NOL4L: variants seen among roughly 807,000 people sequenced by gnomAD.
The protein encoded by NOL4L is nucleolar protein 4-like.
Under a neutral mutation model 64.5 loss-of-function variants are expected in NOL4L, and 7 were observed. That is an observed-to-expected ratio of 0.11 (90% CI 0.06 to 0.20). NOL4L has a LOEUF of 0.20. Ranked by LOEUF, NOL4L falls within the 10% of genes least tolerant of loss-of-function variation. NOL4L has a pLI of 1.00. For synonymous variants in NOL4L, 413 were observed against 401.0 expected (o/e 1.03, Z -0.36); for missense variants, 680 against 967.1 (o/e 0.70, Z 3.94).
chr20:32,470,307 G>T (rs997341833), intron 5 of NOL4L, among the ~76,000 whole-genome samples: 10 of 152,268 alleles, frequency 6.6e-5, no homozygotes, highest in Non-Finnish European at 1.5e-4. Context: ...CGCCTGCCGG[G>T]TCAGGAACCT....
At chr20:32,475,202 C>A in intron 4 of NOL4L, 1 of 985,478 alleles carries the variant, frequency 1.0e-6, no homozygotes, top group Non-Finnish European at 1.2e-6. Context: ...GCAGGCCTGG[C>A]GCCCTGACTC....
intron 1 of NOL4L, among the ~76,000 whole-genome samples, chr20:32,540,913 A>C (rs976540163): frequency 2.6e-5 from 4 of 151,648 alleles, no homozygotes; most frequent in African/African-American, 9.7e-5. Context: ...TCAGATGAGG[A>C]AACCGAGGCT....
chr20:32,542,078 A>G (rs1243442660), intron 1 of NOL4L, among the ~76,000 whole-genome samples: 2 of 152,212 alleles, frequency 1.3e-5, no homozygotes, highest in Non-Finnish European at 2.9e-5. Flanking sequence ...ACAGGTGGCC[A>G]TATCTTTGGG....
At chr20:32,466,996 G>A (rs1048023002) in intron 5 of NOL4L, among the ~76,000 whole-genome samples, 1 of 152,138 alleles carries the variant, frequency 6.6e-6, no homozygotes, top group African/African-American at 2.4e-5. Flanking sequence ...ATCACCTGAG[G>A]AGGACACTAG....
chr20:32,452,880 G>A lies in NOL4L; in HGVS notation c.1620+4C>T. ...GCCCCTGTAGTGGCTGCGGTGGCAG[G>A]TACCTGTGAGGACTGGTAGATCTCT... On this transcript the variant is annotated splice_donor_region_variant and intron_variant, in intron 9 of 10. Coordinates refer to ENST00000621426, the MANE Select transcript of NOL4L (RefSeq NM_001256798.2). The A allele has an allele frequency of 1.2e-6, 2 of 1,613,760 alleles. 1 individual carries two copies. Among genetic ancestry groups the A allele is most frequent in the Non-Finnish European group, 1.7e-6 (2 of 1,179,910 alleles).
chr20:32,523,617 AAT>A (rs1261934524), intron 2 of NOL4L, among the ~76,000 whole-genome samples: 1 of 152,196 alleles, frequency 6.6e-6, no homozygotes, highest in Non-Finnish European at 1.5e-5. Flanking sequence ...CTGTTCTAGA[AAT>A]AGACTCATAC....
At position 32,443,251 on chromosome 20, in the gene NOL4L, A is replaced by G; in HGVS notation, c.*4345T>C. 1 of 152,244 alleles carries G rather than the reference A, an allele frequency of 6.6e-6. No individual in the cohort carries two copies. Among genetic ancestry groups the G allele is most frequent in the Non-Finnish European group, 1.5e-5 (1 of 68,044 alleles). 9.4% of individuals were successfully genotyped at this position (152,244 alleles called of 1,614,324 possible). On this transcript the variant is annotated 3_prime_UTR_variant, in exon 11 of 11. Transcript: ENST00000621426. Reference sequence around the variant, plus strand: ...GAGAGGGAGTCGGCCTGTGCTAGTCATTCCACAAACAAAACAGAATTTAGT... The same window carrying G: ...GAGAGGGAGTCGGCCTGTGCTAGTCGTTCCACAAACAAAACAGAATTTAGT...
Position 32,463,089 on chromosome 20 carries a change from C to T in NOL4L, c.842-6694G>A, listed in dbSNP as rs368889274. Among the ~76,000 whole-genome samples, 20 of 152,166 alleles carry T rather than the reference C, an allele frequency of 1.3e-4. 1 individual carries two copies. The East Asian group carries it at 2.3e-3, about 18-fold the overall frequency. ...CTACAGTCCTGGGAGTTGCCGCTGA[C>T]GCCCTCCTGGGCTCTGGCACTTTAT... On this transcript the variant is annotated intron_variant, in intron 5 of 10. Transcript: ENST00000621426. The surrounding 1 kb of genome is among the most constrained non-coding windows in gnomAD (Gnocchi z 5.8).
chr20:32,534,276 T>G (rs985044088), intron 1 of NOL4L, among the ~76,000 whole-genome samples: 1 of 152,134 alleles, frequency 6.6e-6, no homozygotes, highest in Non-Finnish European at 1.5e-5. Flanking sequence ...CGGATCCAGC[T>G]CTTGACAAGG....
rs753607764 is a variant in NOL4L, at chr20:32,456,120, C to T, written c.1117G>A (p.Glu373Lys). 1 of 1,526,514 alleles carries T rather than the reference C, an allele frequency of 6.6e-7. No homozygotes were observed. Among genetic ancestry groups the T allele is most frequent in the Non-Finnish European group, 8.8e-7 (1 of 1,134,108 alleles). The allele number at this position is 1,526,514 out of a possible 1,614,324, so 94.6% of individuals were successfully genotyped here. A position where few individuals can be genotyped will look rare whatever the true frequency, so the allele number is the denominator to read the frequency against. ...ACTCAGCCCCCAGCCCCACACACCT[C>T]GGGGGTGGTCTTCACCCCGTATTTG... is the stretch of plus-strand genomic sequence containing the variant. ...RVKYGVKTTP[E>K]SPPYSSGSYD... Residue 373 changes from glutamate (E) to lysine (K), a missense_variant and splice_region_variant, in exon 6 of 11, where the codon GAG (glutamate) becomes AAG (lysine). Physicochemically the swap from Glu to Lys is moderately conservative, Grantham distance 56. Coordinates refer to ENST00000621426, the MANE Select transcript of NOL4L (RefSeq NM_001256798.2).
chr20:32,548,675 G>T, intron 1 of NOL4L: 1 of 308,278 alleles, frequency 3.2e-6, no homozygotes. Flanking sequence ...GTCTGTGGAG[G>T]GCAGTCTGTA....
At chr20:32,529,687 T>C (rs1161111480) in intron 1 of NOL4L, among the ~76,000 whole-genome samples, 1 of 152,160 alleles carries the variant, frequency 6.6e-6, no homozygotes, top group Non-Finnish European at 1.5e-5. Flanking sequence ...TAGCGGGCAG[T>C]GTCCCTAAGT....
At chr20:32,481,968 G>GC (rs903569856) in intron 4 of NOL4L, among the ~76,000 whole-genome samples, 6 of 149,124 alleles carry the variant, frequency 4.0e-5, no homozygotes, top group East Asian at 2.0e-4. Flanking sequence ...GCGGGGCGGG[G>GC]GGGGGGGAGC....
At chr20:32,546,591 C>A (rs1283117568) in intron 1 of NOL4L, among the ~76,000 whole-genome samples, 1 of 152,200 alleles carries the variant, frequency 6.6e-6, no homozygotes, top group Non-Finnish European at 1.5e-5. Flanking sequence ...GCATTTGCCA[C>A]CATCCCTGGC....
chr20:32,519,891 T>A (rs1185547377), intron 3 of NOL4L: 1 of 152,190 alleles, frequency 6.6e-6, no homozygotes, highest in Non-Finnish European at 1.5e-5. Context: ...TCACTGCAGC[T>A]TCCACCTCCC....
At chr20:32,509,540 A>AAAG in intron 4 of NOL4L, among the ~76,000 whole-genome samples, 1 of 149,932 alleles carries the variant, frequency 6.7e-6, no homozygotes, top group African/African-American at 2.5e-5. Flanking sequence ...AAAAAAAAAA[A>AAAG]GAAAAGAAAG....
At chr20:32,485,079 A>AAAAAAAAAAAAAAAAC (rs2016015272) in intron 4 of NOL4L, among the ~76,000 whole-genome samples, 1 of 147,536 alleles carries the variant, frequency 6.8e-6, no homozygotes, top group Non-Finnish European at 1.5e-5. Flanking sequence ...AAAAAAAAAA[A>AAAAAAAAAAAAAAAAC]AAAAAAAACA....
intron 4 of NOL4L, among the ~76,000 whole-genome samples, chr20:32,488,855 CT>C (rs1295381617): frequency 1.4e-5 from 1 of 73,570 alleles, no homozygotes; most frequent in African/African-American, 8.1e-5. Context: ...TTCTTTCTTT[CT>C]TTCTTTCTTT....
intron 4 of NOL4L, among the ~76,000 whole-genome samples, chr20:32,491,494 C>T (rs139481788): frequency 4.6e-5 from 7 of 152,318 alleles, no homozygotes; most frequent in Admixed American, 1.3e-4. Flanking sequence ...CTTCATTTTC[C>T]GAACTGGGCC....
Sources: allele counts gnomAD v4.1 joint callset (sites outside exome capture counted in the v4.1 genomes callset), GRCh38; gene constraint gnomAD v4.1.1; non-coding constraint Gnocchi (gnomAD v3.1); transcripts MANE v1.5; gene names NCBI Gene and HGNC (gene_info 2026-07-23, HGNC 2026-07-21).